THNSL1: variants seen among roughly 807,000 people sequenced by gnomAD.
THNSL1 encodes the protein threonine synthase-like 1.
In THNSL1, 48 loss-of-function variants were observed where a neutral mutation model predicts 50.4. The observed-to-expected ratio is 0.95, with a 90% CI of 0.76 to 1.21. The LOEUF (loss-of-function observed/expected upper bound fraction) is 1.21, where lower values mean the gene tolerates loss of function less well. Ranked by LOEUF, THNSL1 falls within the 50% of genes most tolerant of loss-of-function variation. The pLI is 0.00. For synonymous variants in THNSL1, 309 were observed against 306.1 expected, an observed-to-expected ratio of 1.01 and a Z score of -0.10; for missense variants, 896 against 871.7, an observed-to-expected ratio of 1.03 and a Z score of -0.35.
chr10:24,986,322 G>A, the THNSL1 span, among the ~76,000 whole-genome samples: 1 of 152,214 alleles, frequency 6.6e-6, no homozygotes, highest in African/African-American at 2.4e-5. Flanking sequence ...GAAGAGGTTG[G>A]TTGGGGAAAA....
At chr10:24,959,176 CA>C in the THNSL1 span, among the ~76,000 whole-genome samples, 1 of 151,962 alleles carries the variant, frequency 6.6e-6, no homozygotes, top group Non-Finnish European at 1.5e-5. Context: ...AAAACAAAAA[CA>C]AAAAAAGGGG....
chr10:24,987,411 AG>A, the THNSL1 span, among the ~76,000 whole-genome samples: 5 of 151,918 alleles, frequency 3.3e-5, no homozygotes, highest in African/African-American at 1.2e-4. Context: ...CTGAGGGAGG[AG>A]GATTGCTTGA....
In THNSL1 at chr10:25,026,346, CAGTA is replaced by C. The variant is rs1375745787; in HGVS notation, c.*894_*897del. On this transcript the variant is annotated 3_prime_UTR_variant, in exon 3 of 3. Coordinates refer to ENST00000376356, the MANE Select transcript of THNSL1 (RefSeq NM_024838.5). The stretch of plus-strand genomic sequence containing the variant: ...CACATAACTGAAATCCAGGATGAAA[CAGTA>C]AGCAGAACTACTTAGAAGTGAATAC... The C allele has an allele frequency of 1.2e-5, 2 of 166,670 alleles. No individual in the cohort carries two copies. Among genetic ancestry groups the C allele is most frequent in the African/African-American group, 4.8e-5 (2 of 41,466 alleles). 10.3% of individuals were successfully genotyped at this position (166,670 alleles called of 1,614,324 possible).
chr10:24,971,746 CT>C, the THNSL1 span, among the ~76,000 whole-genome samples: 2 of 152,292 alleles, frequency 1.3e-5, no homozygotes, highest in South Asian at 4.1e-4. Flanking sequence ...GTTTGAACAT[CT>C]CTAAAATCAA....
chr10:24,999,665 C>T, the THNSL1 span: 1 of 935,534 alleles, frequency 1.1e-6, no homozygotes, highest in Non-Finnish European at 1.6e-6. Flanking sequence ...TATGGAAAAG[C>T]ATAATCATAA....
At chr10:24,966,067 C>G in the THNSL1 span, among the ~76,000 whole-genome samples, 1 of 152,188 alleles carries the variant, frequency 6.6e-6, no homozygotes, top group Non-Finnish European at 1.5e-5. Context: ...GATATTGACT[C>G]AATAGAGGAT....
the THNSL1 span, among the ~76,000 whole-genome samples, chr10:24,956,745 A>G: frequency 6.6e-6 from 1 of 152,164 alleles, no homozygotes; most frequent in African/African-American, 2.4e-5. Flanking sequence ...GCCATACAGC[A>G]GGTGTCCCCA....
upstream of THNSL1, among the ~76,000 whole-genome samples, chr10:25,013,250 TA>T (rs1250875396): frequency 1.3e-5 from 2 of 152,266 alleles, no homozygotes; most frequent in African/African-American, 4.8e-5. Flanking sequence ...CAGACTAATA[TA>T]CTATGTTCTA....
chr10:24,989,170 A>G, the THNSL1 span, among the ~76,000 whole-genome samples: 1 of 152,190 alleles, frequency 6.6e-6, no homozygotes, highest in Non-Finnish European at 1.5e-5. Context: ...CTTTCTGAAA[A>G]TGGGAAAATC....
At chr10:24,998,541 AT>A in the THNSL1 span, among the ~76,000 whole-genome samples, 11 of 151,574 alleles carry the variant, frequency 7.3e-5, no homozygotes, top group South Asian at 2.1e-4. Context: ...CACCTAGCTA[AT>A]TTTTTTTATT....
At chr10:25,016,318 G>T (rs562818247), upstream of THNSL1, among the ~76,000 whole-genome samples, 1 of 152,192 alleles carries the variant, frequency 6.6e-6, no homozygotes, top group Non-Finnish European at 1.5e-5. Flanking sequence ...GGGTGAAAAT[G>T]ATGTCCCCTT....
the THNSL1 span, among the ~76,000 whole-genome samples, chr10:24,987,295 G>A: frequency 6.6e-6 from 1 of 152,108 alleles, no homozygotes; most frequent in Non-Finnish European, 1.5e-5. Flanking sequence ...GTGCCTCAGT[G>A]CTTCTTGTTG....
chr10:25,001,361 C>T, the THNSL1 span, among the ~76,000 whole-genome samples: 1 of 149,608 alleles, frequency 6.7e-6, no homozygotes, highest in African/African-American at 2.5e-5. Flanking sequence ...ATGGTAATGT[C>T]TCTTGGTATT....
At chr10:24,989,952 T>C in the THNSL1 span, among the ~76,000 whole-genome samples, 2 of 152,182 alleles carry the variant, frequency 1.3e-5, no homozygotes, top group Non-Finnish European at 2.9e-5. Flanking sequence ...AATATATCTT[T>C]AAGTCTATGT....
At chr10:24,990,607 A>T in the THNSL1 span, 4 of 1,594,580 alleles carry the variant, frequency 2.5e-6, no homozygotes, top group Non-Finnish European at 2.6e-6. Context: ...TGACACCATA[A>T]TCCTAAAAAG....
At chr10:24,998,072 C>T in the THNSL1 span, among the ~76,000 whole-genome samples, 3 of 152,086 alleles carry the variant, frequency 2.0e-5, no homozygotes, top group South Asian at 6.2e-4. Flanking sequence ...TCCATCTTGC[C>T]ATCTTGCCTG....
the THNSL1 span, among the ~76,000 whole-genome samples, chr10:24,957,592 T>C: frequency 1.3e-5 from 2 of 152,182 alleles, no homozygotes; most frequent in Non-Finnish European, 2.9e-5. Context: ...GTGATTGTCC[T>C]GCCTCAGCCT....
At chr10:24,952,703 C>A in the THNSL1 span, 1 of 852,714 alleles carries the variant, frequency 1.2e-6, no homozygotes, top group Non-Finnish European at 1.8e-6. The surrounding 1 kb of genome is among the most constrained non-coding windows in gnomAD (Gnocchi z 5.1). Context: ...GGGACGGGTC[C>A]GCCCCGCCCC....
upstream of THNSL1, among the ~76,000 whole-genome samples, chr10:25,015,244 C>G (rs1012685517): frequency 6.6e-6 from 1 of 152,208 alleles, no homozygotes; most frequent in Admixed American, 6.5e-5. Context: ...AAAATTTCAA[C>G]TCAATTACAT....
Sources: allele counts gnomAD v4.1 joint callset (sites outside exome capture counted in the v4.1 genomes callset), GRCh38; gene constraint gnomAD v4.1.1; non-coding constraint Gnocchi (gnomAD v3.1); transcripts MANE v1.5; gene names NCBI Gene and HGNC (gene_info 2026-07-23, HGNC 2026-07-21).